Variants in TRPC5 observed in about 807,000 individuals in gnomAD.
The protein encoded by TRPC5 is short transient receptor potential channel 5.
A neutral mutation model predicts 56.5 loss-of-function variants in TRPC5; 9 were observed. That is an observed-to-expected ratio of 0.16 (90% confidence interval 0.10 to 0.28). The LOEUF (loss-of-function observed/expected upper bound fraction) is 0.28, where lower values mean the gene tolerates loss of function less well. TRPC5 is among the 10% of genes least tolerant of loss of function. TRPC5 has a pLI of 1.00. For synonymous variants in TRPC5, 282 were observed against 278.5 expected (o/e 1.01, Z -0.13); for missense variants, 469 against 748.9 (o/e 0.63, Z 4.36).
intron 3 of TRPC5, among the ~76,000 whole-genome samples, chrX:111,910,537 TA>T (rs918686846): frequency 1.8e-5 from 2 of 112,072 alleles, no homozygotes; most frequent in Non-Finnish European, 3.8e-5. Context: ...CCGCTAATAG[TA>T]AATTTTTTTT....
At position 112,078,694 on chromosome X, in the gene TRPC5, T is replaced by C. The variant is rs1930894192; in HGVS notation, c.-22+3185A>G. On this transcript the variant is annotated intron_variant, in intron 1 of 10. Coordinates refer to ENST00000262839, the MANE Select transcript of TRPC5 (RefSeq NM_012471.3). ...GCAAAGTTCCCTTCACCCAGCAAATTGCAATTTTTCTTAGCCCCTATCAGC... is the reference window on the plus strand; with the variant it reads ...GCAAAGTTCCCTTCACCCAGCAAATCGCAATTTTTCTTAGCCCCTATCAGC... 4.5e-5 allele frequency among the ~76,000 whole-genome samples: 5 copies of C among 112,065 alleles called. No individual in the cohort carries two copies. The South Asian group carries it at 1.9e-3, about 42-fold the overall frequency.
rs1435635825 is a variant in TRPC5 at position 111,773,103 on chromosome X, A to G, written c.*3210T>C. ...TAGCTGAAATAGCCTAAGTTAGGTCACAGTGGAATGAAAAATGATGGAGGC... is the reference window on the plus strand; with the variant it reads ...TAGCTGAAATAGCCTAAGTTAGGTCGCAGTGGAATGAAAAATGATGGAGGC... On this transcript the variant is annotated 3_prime_UTR_variant, in exon 11 of 11. Coordinates refer to ENST00000262839, the MANE Select transcript of TRPC5 (RefSeq NM_012471.3). Among the ~76,000 whole-genome samples, 1 of 112,410 alleles carries G rather than the reference A, an allele frequency of 8.9e-6. No individual in the cohort carries two copies. The highest frequency in any genetic ancestry group is 1.9e-5 in the Non-Finnish European group (1 of 53,329).
intron 3 of TRPC5, among the ~76,000 whole-genome samples, chrX:111,857,847 C>T (rs932708133): frequency 8.9e-6 from 1 of 112,595 alleles, no homozygotes; most frequent in Non-Finnish European, 1.9e-5. Context: ...TCTTGATGAC[C>T]TCATGTGACT....
intron 3 of TRPC5, among the ~76,000 whole-genome samples, chrX:111,892,233 G>A (rs983335831): frequency 2.7e-5 from 3 of 112,266 alleles, no homozygotes; most frequent in Non-Finnish European, 5.6e-5. Flanking sequence ...AAAAGTATAC[G>A]AAGATGTTTG....
intron 1 of TRPC5, among the ~76,000 whole-genome samples, chrX:112,042,620 A>G (rs1184000124): frequency 9.0e-6 from 1 of 110,572 alleles, no homozygotes; most frequent in Non-Finnish European, 1.9e-5. Flanking sequence ...TTCTCATCTC[A>G]TGGATTAGCC....
intron 7 of TRPC5, among the ~76,000 whole-genome samples, chrX:111,796,908 T>G (rs1459296970): frequency 1.8e-5 from 2 of 112,249 alleles, no homozygotes; most frequent in African/African-American, 6.5e-5. Flanking sequence ...TATCAGCCTC[T>G]TTTTAGCCCT....
intron 1 of TRPC5, among the ~76,000 whole-genome samples, chrX:112,024,867 G>C (rs149957831): frequency 3.0e-3 from 333 of 111,781 alleles, no homozygotes; most frequent in Non-Finnish European, 5.2e-3. Context: ...ACCTCCCTGG[G>C]ATTACTTCCA....
At chrX:111,855,629 A>C (rs967168923) in intron 3 of TRPC5, among the ~76,000 whole-genome samples, 1 of 112,371 alleles carries the variant, frequency 8.9e-6, no homozygotes, top group Non-Finnish European at 1.9e-5. Flanking sequence ...TCATCCTGTG[A>C]TGTCATTTCC....
At chrX:111,986,179 T>G (rs978093608) in intron 1 of TRPC5, among the ~76,000 whole-genome samples, 1 of 111,276 alleles carries the variant, frequency 9.0e-6, no homozygotes, top group Non-Finnish European at 1.9e-5. Context: ...AATTTGCCAC[T>G]GGAGGCCTTT....
chrX:112,065,272 A>G (rs181431964), intron 1 of TRPC5, among the ~76,000 whole-genome samples: 79 of 111,156 alleles, frequency 7.1e-4, no homozygotes, highest in Admixed American at 8.6e-4. Context: ...TAAACTCAAC[A>G]TACTCAATAC....
chrX:111,851,510 GGT>G (rs563243659), intron 5 of TRPC5, among the ~76,000 whole-genome samples: 9,881 of 98,108 alleles, frequency 0.1, 1,206 homozygotes, highest in African/African-American at 0.32. Flanking sequence ...GTATTAAGGT[GGT>G]GTGTGTGTGT....
rs1189327193 is a variant in TRPC5, at chrX:111,771,767, T to C, written c.*4546A>G. 9.6e-6 allele frequency among the ~76,000 whole-genome samples: 1 copy of C among 104,645 alleles called. No homozygotes were observed. 90.9% of individuals were successfully genotyped at this position (104,645 alleles called of 115,157 possible). ...GTCTTCCAGGTAAGTTATTCTGACCTAAATGCTTTTTTTTTTTTTAAACAA... is the reference window on the plus strand; with the variant it reads ...GTCTTCCAGGTAAGTTATTCTGACCCAAATGCTTTTTTTTTTTTTAAACAA... On this transcript the variant is annotated 3_prime_UTR_variant, in exon 11 of 11. Coordinates refer to ENST00000262839, the MANE Select transcript of TRPC5 (RefSeq NM_012471.3).
chrX:112,023,247 T>G (rs1430698863), intron 1 of TRPC5, among the ~76,000 whole-genome samples: 5 of 64,582 alleles, frequency 7.7e-5, no homozygotes, highest in Non-Finnish European at 1.4e-4. Context: ...TTTTTTTTTG[T>G]TTTTTTTTTT....
intron 2 of TRPC5, among the ~76,000 whole-genome samples, chrX:111,928,687 A>G (rs370983484): frequency 8.9e-6 from 1 of 111,841 alleles, no homozygotes; most frequent in East Asian, 2.8e-4. Flanking sequence ...TCTCTTGCCT[A>G]GCTTTCTCAC....
intron 6 of TRPC5, among the ~76,000 whole-genome samples, chrX:111,843,336 A>G: frequency 8.9e-6 from 1 of 111,909 alleles, no homozygotes; most frequent in East Asian, 2.8e-4. Flanking sequence ...TTTATGTAAC[A>G]TAATGGAGAT....
chrX:112,037,345 T>G (rs997899420), intron 1 of TRPC5, among the ~76,000 whole-genome samples: 37 of 111,661 alleles, frequency 3.3e-4, no homozygotes, highest in Non-Finnish European at 6.6e-4. Context: ...CATTCAAAGA[T>G]TATACCTGCT....
At chrX:111,922,644 A>G (rs1345534311) in intron 2 of TRPC5, among the ~76,000 whole-genome samples, 1 of 112,080 alleles carries the variant, frequency 8.9e-6, no homozygotes, top group African/African-American at 3.2e-5. Context: ...CATGAGATGG[A>G]AAAGTATCTG....
chrX:111,789,697 A>T (rs1460419309), intron 7 of TRPC5, among the ~76,000 whole-genome samples: 1 of 112,356 alleles, frequency 8.9e-6, no homozygotes, highest in African/African-American at 3.2e-5. Flanking sequence ...AGAATCTACA[A>T]AGAACTCAAG....
chrX:112,060,713 A>G (rs1037944898), intron 1 of TRPC5, among the ~76,000 whole-genome samples: 4 of 111,487 alleles, frequency 3.6e-5, no homozygotes, highest in African/African-American at 1.3e-4. Context: ...GTGCAATATG[A>G]TATGTTGCTA....
Sources: gnomAD v4.1 joint callset for allele counts (sites outside exome capture counted in the v4.1 genomes callset) on GRCh38, gnomAD v4.1.1 for gene constraint, MANE v1.5 for transcripts, NCBI Gene and HGNC (gene_info 2026-07-23, HGNC 2026-07-21) for gene names.